Variants in GATAD2A observed in about 807,000 individuals in gnomAD.
GATAD2A encodes GATA zinc finger domain containing 2A.
In GATAD2A, 12 loss-of-function variants were observed where a neutral mutation model predicts 68.5. The ratio of observed to expected loss-of-function variants is 0.18; its 90% CI spans 0.11 to 0.28. The LOEUF (loss-of-function observed/expected upper bound fraction) is 0.28. GATAD2A is among the 10% of genes least tolerant of loss of function. GATAD2A has a pLI of 1.00. For missense variants in GATAD2A, 755 were observed against 868.5 expected (o/e 0.87, Z 1.64); for synonymous variants, 410 against 375.3 (o/e 1.09, Z -1.07).
At chr19:19,487,071 C>T (rs1174867051) in intron 2 of GATAD2A, among the ~76,000 whole-genome samples, 1 of 152,228 alleles carries the variant, frequency 6.6e-6, no homozygotes, top group Non-Finnish European at 1.5e-5. Flanking sequence ...GCTCAGGGCT[C>T]AGCACCCTCA....
chr19:19,425,328 A>C (rs772317098), intron 1 of GATAD2A, among the ~76,000 whole-genome samples: 3 of 151,882 alleles, frequency 2.0e-5, no homozygotes, highest in African/African-American at 4.8e-5. Context: ...GATCCTCCCA[A>C]ATTTTTTTAT....
chr19:19,406,580 C>T (rs1341160691), intron 1 of GATAD2A, among the ~76,000 whole-genome samples: 1 of 152,198 alleles, frequency 6.6e-6, no homozygotes, highest in African/African-American at 2.4e-5. Flanking sequence ...CCGCGGGACC[C>T]TTTCCCCTCT....
chr19:19,492,171 G>C, intron 2 of GATAD2A, 135 bp from the exon 3 acceptor site: 1 of 910,596 alleles, frequency 1.1e-6, no homozygotes, highest in Non-Finnish European at 1.7e-6. Context: ...CATGGGGCAG[G>C]GCAGGGGATG....
chr19:19,498,334 C>T, intron 7 of GATAD2A, 109 bp from the exon 8 acceptor site: 1 of 980,956 alleles, frequency 1.0e-6, no homozygotes, highest in Non-Finnish European at 1.5e-6. Context: ...ACGCCATCGT[C>T]AAGGGTACTG....
intron 2 of GATAD2A, chr19:19,472,373 G>C (rs1207477698): frequency 6.7e-6 from 1 of 149,382 alleles, no homozygotes. Context: ...CGTTCTTGTT[G>C]CCCAGACTGG....
intron 7 of GATAD2A, among the ~76,000 whole-genome samples, chr19:19,497,521 A>T (rs1179514726): frequency 1.3e-5 from 2 of 151,906 alleles, no homozygotes; most frequent in African/African-American, 4.8e-5. Context: ...GGGAAGGAGG[A>T]GGGGAACTGG....
intron 4 of GATAD2A, among the ~76,000 whole-genome samples, chr19:19,493,057 CA>C (rs969842750): frequency 2.0e-5 from 3 of 152,048 alleles, no homozygotes; most frequent in South Asian, 2.1e-4. Flanking sequence ...TCTCCCGCCT[CA>C]GCCTCCCGAG....
chr19:19,415,670 G>A (rs1438313849), intron 1 of GATAD2A, among the ~76,000 whole-genome samples: 1 of 147,494 alleles, frequency 6.8e-6, no homozygotes, highest in Non-Finnish European at 1.5e-5. Flanking sequence ...CAGGCTGGAG[G>A]GCAGTGGCAT....
intron 2 of GATAD2A, among the ~76,000 whole-genome samples, chr19:19,474,334 G>T (rs917275838): frequency 1.3e-5 from 2 of 152,106 alleles, no homozygotes; most frequent in African/African-American, 2.4e-5. Flanking sequence ...GTCAAACCCT[G>T]AATTTAGGTC....
chr19:19,397,866 C>T (rs1344517799), intron 1 of GATAD2A, among the ~76,000 whole-genome samples: 2 of 152,074 alleles, frequency 1.3e-5, no homozygotes, highest in East Asian at 1.9e-4. Flanking sequence ...GGACTACAGG[C>T]GCATGCTATC....
At chr19:19,494,250 C>G in intron 4 of GATAD2A, 44 bp from the exon 5 acceptor site, 1 of 1,141,864 alleles carries the variant, frequency 8.8e-7, no homozygotes. Context: ...GGAGAGGGAC[C>G]GGCCCGGTGG....
chr19:19,442,634 A>G (rs1033042158), intron 1 of GATAD2A, among the ~76,000 whole-genome samples: 1 of 152,132 alleles, frequency 6.6e-6, no homozygotes, highest in Non-Finnish European at 1.5e-5. Context: ...TCTCACAAAA[A>G]GAAAAACCCA....
At chr19:19,468,194 C>A (rs1195127484) in intron 2 of GATAD2A, among the ~76,000 whole-genome samples, 1 of 152,234 alleles carries the variant, frequency 6.6e-6, no homozygotes, top group African/African-American at 2.4e-5. Flanking sequence ...TATGCCCTCT[C>A]CCATCTGTTT....
At chr19:19,407,609 C>T (rs1246039241) in intron 1 of GATAD2A, among the ~76,000 whole-genome samples, 1 of 152,156 alleles carries the variant, frequency 6.6e-6, no homozygotes, top group Non-Finnish European at 1.5e-5. Flanking sequence ...AAATACAAGG[C>T]CATTTTCTTG....
At chr19:19,470,965 T>C (rs1339009710) in intron 2 of GATAD2A, among the ~76,000 whole-genome samples, 1 of 152,000 alleles carries the variant, frequency 6.6e-6, no homozygotes, top group East Asian at 1.9e-4. Context: ...GGTCGAAAAG[T>C]AGAAGCAGGG....
chr19:19,466,604 G>C (rs1433186925), intron 2 of GATAD2A, among the ~76,000 whole-genome samples: 1 of 152,234 alleles, frequency 6.6e-6, no homozygotes, highest in Non-Finnish European at 1.5e-5. Flanking sequence ...AAACTGTTGG[G>C]ATCCTGAGGA....
At chr19:19,457,368 TC>T (rs774521766) in intron 1 of GATAD2A, 77 of 259,340 alleles carry the variant, frequency 3.0e-4, no homozygotes, top group Middle Eastern at 1.9e-3. Flanking sequence ...GGATGGCTGT[TC>T]CATCCTCCTC....
intron 1 of GATAD2A, among the ~76,000 whole-genome samples, chr19:19,423,074 A>G (rs1018044806): frequency 7.9e-5 from 12 of 152,094 alleles, no homozygotes; most frequent in Admixed American, 1.3e-4. Flanking sequence ...TGGCACAAAA[A>G]TGGCTCACTG....
At chr19:19,429,308 G>A in intron 1 of GATAD2A, 1 of 796,738 alleles carries the variant, frequency 1.3e-6, no homozygotes, top group Non-Finnish European at 1.5e-6. Context: ...ATGGGTGGGA[G>A]CTAGGAGGGG....
Sources: allele counts gnomAD v4.1 joint callset (sites outside exome capture counted in the v4.1 genomes callset), GRCh38; gene constraint gnomAD v4.1.1; transcripts MANE v1.5; gene names NCBI Gene and HGNC (gene_info 2026-07-23, HGNC 2026-07-21).